KCNH5: variants seen among roughly 807,000 people sequenced by gnomAD.
The protein encoded by KCNH5 is voltage-gated delayed rectifier potassium channel KCNH5.
A neutral mutation model predicts 96.1 loss-of-function variants in KCNH5; 46 were observed. The ratio of observed to expected loss-of-function variants is 0.48; its 90% confidence interval spans 0.38 to 0.61. The LOEUF (loss-of-function observed/expected upper bound fraction) is 0.61. Ranked by LOEUF, KCNH5 falls within the 20% of genes least tolerant of loss-of-function variation. The pLI is 0.00. For synonymous variants in KCNH5, 439 were observed against 449.8 expected (o/e 0.98, Z 0.30); for missense variants, 907 against 1,225.8 (o/e 0.74, Z 3.88).
At chr14:62,748,392 A>T (rs1474134596) in intron 10 of KCNH5, among the ~76,000 whole-genome samples, 1 of 152,206 alleles carries the variant, frequency 6.6e-6, no homozygotes, top group Non-Finnish European at 1.5e-5. Context: ...GACACTCCCA[A>T]GTCGGGGTCT....
intron 5 of KCNH5, among the ~76,000 whole-genome samples, chr14:62,986,489 G>T (rs924417827): frequency 6.6e-6 from 1 of 152,008 alleles, no homozygotes; most frequent in African/African-American, 2.4e-5. Context: ...GTACATGCTG[G>T]CCTCCCTGGT....
At position 62,950,471 on chromosome 14, in the gene KCNH5, T is replaced by C; in HGVS notation, c.1031A>G (p.Tyr344Cys). ...CAGGAGCACGAGGACTGCTGCTCCA[T>C]ATTCTAGGTAATGGTCCAGTTTCCT... ...VARKLDHYLE[Y>C]GAAVLVLLVC... Residue 344 changes from tyrosine (Y) to cysteine (C), a missense_variant, in exon 7 of 11, where the codon TAT becomes TGT. Coordinates refer to ENST00000322893, the MANE Select transcript of KCNH5 (RefSeq NM_139318.5). 6.2e-7 allele frequency: 1 copy of C among 1,613,124 alleles called. No individual in the cohort carries two copies. Among genetic ancestry groups the C allele is most frequent in the Non-Finnish European group, 8.5e-7 (1 of 1,179,942 alleles).
chr14:62,875,984 T>G (rs1205459567), intron 7 of KCNH5, among the ~76,000 whole-genome samples: 1 of 152,154 alleles, frequency 6.6e-6, no homozygotes, highest in Non-Finnish European at 1.5e-5. Context: ...CTGGCCAAGA[T>G]AGTGAAACCC....
At chr14:62,836,523 G>A (rs243148) in intron 8 of KCNH5, among the ~76,000 whole-genome samples, 68,653 of 151,854 alleles carry the variant, frequency 0.45, 15,943 homozygotes, top group South Asian at 0.63. Context: ...TAACATATTC[G>A]TAAGGATTCA....
chr14:63,040,040 C>G (rs1421575940), intron 1 of KCNH5, among the ~76,000 whole-genome samples: 1 of 152,108 alleles, frequency 6.6e-6, no homozygotes, highest in Admixed American at 6.5e-5. Context: ...AGGCTACACT[C>G]TGGAGAATGC....
At position 62,703,564 on chromosome 14, in the gene KCNH5, C is replaced by T. The variant is rs1203274420; in HGVS notation, c.*3944G>A. On this transcript the variant is annotated 3_prime_UTR_variant, in exon 11 of 11. Coordinates refer to ENST00000322893, the MANE Select transcript of KCNH5 (RefSeq NM_139318.5). ...GGAAAGGTTAACTTGCCCATAATTA[C>T]ACTTCTAGTTTGTGGTAAAGCTAAA... 2 of 151,784 alleles carry T rather than the reference C, an allele frequency of 1.3e-5. No homozygotes were observed. Among genetic ancestry groups the T allele is most frequent in the Non-Finnish European group, 3.0e-5 (2 of 67,754 alleles). The allele number at this position is 151,784 out of a possible 1,614,324, so 9.4% of individuals were successfully genotyped here.
chr14:62,819,359 A>G (rs1887067792), intron 8 of KCNH5, among the ~76,000 whole-genome samples: 1 of 152,208 alleles, frequency 6.6e-6, no homozygotes. Context: ...GAATCCAGTA[A>G]CAAAAGACCA....
At chr14:62,824,945 T>G (rs775494885) in intron 8 of KCNH5, among the ~76,000 whole-genome samples, 1 of 151,804 alleles carries the variant, frequency 6.6e-6, no homozygotes, top group Non-Finnish European at 1.5e-5. Context: ...GATTTCATTG[T>G]TTTTTTTATG....
Position 62,862,939 on chromosome 14 carries a change from G to A in KCNH5, c.1370-13087C>T, listed in dbSNP as rs115513125. On this transcript the variant is annotated intron_variant, in intron 7 of 10. Coordinates refer to ENST00000322893, the MANE Select transcript of KCNH5 (RefSeq NM_139318.5). ...ATTTCTTAGACAGCAATAAACAACCGATGCATCTTTCTCCCATGAAAGCCC... is the reference window on the plus strand; with the variant it reads ...ATTTCTTAGACAGCAATAAACAACCAATGCATCTTTCTCCCATGAAAGCCC... 6.0e-3 allele frequency among the ~76,000 whole-genome samples: 920 copies of A among 152,122 alleles called. 20 individuals are homozygous for A. Among genetic ancestry groups the A allele is most frequent in the African/African-American group, 0.021 (857 of 41,496 alleles).
At chr14:62,936,673 T>TA (rs1889687042) in intron 7 of KCNH5, among the ~76,000 whole-genome samples, 2 of 27,298 alleles carry the variant, frequency 7.3e-5, no homozygotes, top group Non-Finnish European at 5.9e-5. Flanking sequence ...AGACCCTGCC[T>TA]CAAAAAAAAA....
intron 6 of KCNH5, among the ~76,000 whole-genome samples, chr14:62,974,041 T>G (rs1200774567): frequency 1.3e-5 from 2 of 152,174 alleles, no homozygotes; most frequent in East Asian, 3.8e-4. Context: ...TGTGGCAGCT[T>G]GACAAGCATA....
At chr14:62,830,039 C>T (rs1168326939) in intron 8 of KCNH5, among the ~76,000 whole-genome samples, 1 of 152,190 alleles carries the variant, frequency 6.6e-6, no homozygotes, top group Non-Finnish European at 1.5e-5. Context: ...CTCTCAAGTT[C>T]AAAGTTCCAT....
intron 1 of KCNH5, among the ~76,000 whole-genome samples, chr14:63,027,239 TAGAC>T (rs1891540733): frequency 6.6e-6 from 1 of 151,970 alleles, no homozygotes; most frequent in South Asian, 2.1e-4. Flanking sequence ...AAATTTCAGT[TAGAC>T]AGAAGGAATA....
chr14:62,912,528 T>C (rs1889189378), intron 7 of KCNH5, among the ~76,000 whole-genome samples: 2 of 152,006 alleles, frequency 1.3e-5, no homozygotes, highest in South Asian at 2.1e-4. Flanking sequence ...TGCCTCAGCC[T>C]CCTGAGTAGC....
In KCNH5 at chr14:62,701,266, A is replaced by G. The variant is rs1884344101; in HGVS notation, c.*6242T>C. ...TTGACAAGCTTTCAAACTGCTTCCA[A>G]AGGTTTTTGTTAAAACCTTAATGAC... On this transcript the variant is annotated 3_prime_UTR_variant, in exon 11 of 11. Coordinates refer to ENST00000322893, the MANE Select transcript of KCNH5 (RefSeq NM_139318.5). 2 of 152,158 alleles carry G rather than the reference A, an allele frequency of 1.3e-5. No individual in the cohort carries two copies. Among genetic ancestry groups the G allele is most frequent in the African/African-American group, 4.8e-5 (2 of 41,448 alleles). 9.4% of individuals were successfully genotyped at this position (152,158 alleles called of 1,614,324 possible). A position where few individuals can be genotyped will look rare whatever the true frequency, so the allele number is the denominator to read the frequency against.
chr14:62,959,425 GCAAATATCCAGTC>G (rs1359557351), intron 6 of KCNH5, among the ~76,000 whole-genome samples: 3 of 152,050 alleles, frequency 2.0e-5, no homozygotes, highest in Admixed American at 2.0e-4. Context: ...CTCAAAATCA[GCAAATATCCAGTC>G]CACTCAATGC....
At chr14:62,720,022 G>T (rs990656262) in intron 10 of KCNH5, among the ~76,000 whole-genome samples, 12 of 152,134 alleles carry the variant, frequency 7.9e-5, no homozygotes, top group African/African-American at 1.7e-4. Context: ...CGGTGAAGGG[G>T]GCTACAAAGA....
rs537472605 is a variant in KCNH5, at chr14:62,703,158, C to G, written c.*4350G>C. 1 of 151,854 alleles carries G rather than the reference C, an allele frequency of 6.6e-6. No individual in the cohort carries two copies. The highest frequency in any genetic ancestry group is 2.4e-5 in the African/African-American group (1 of 41,400). 9.4% of individuals were successfully genotyped at this position (151,854 alleles called of 1,614,324 possible). ...TGTCAAAGGAGCTTCATTCTTTCCA[C>G]GTTTATTTGATTTGTAGTTCTAAAT... On this transcript the variant is annotated 3_prime_UTR_variant, in exon 11 of 11. Coordinates refer to ENST00000322893, the MANE Select transcript of KCNH5 (RefSeq NM_139318.5).
intron 2 of KCNH5, 86 bp from the exon 3 acceptor site, chr14:63,006,558 G>C (rs1891132154): frequency 2.7e-6 from 2 of 745,238 alleles, no homozygotes; most frequent in East Asian, 5.2e-5. Context: ...TCTTTGACTA[G>C]TCAAATGTGG....
Sources: allele counts gnomAD v4.1 joint callset (sites outside exome capture counted in the v4.1 genomes callset), GRCh38; gene constraint gnomAD v4.1.1; transcripts MANE v1.5; gene names NCBI Gene and HGNC (gene_info 2026-07-23, HGNC 2026-07-21).